Variants in BTK observed in about 807,000 individuals in gnomAD.
BTK encodes the protein tyrosine-protein kinase BTK.
BTK carries 5 observed loss-of-function variants against 57.4 expected under a neutral mutation model. That is an observed-to-expected ratio of 0.09 (90% confidence interval 0.05 to 0.18). The LOEUF is 0.18. Ranked by LOEUF, BTK falls within the 10% of genes least tolerant of loss-of-function variation. The pLI is 1.00. For missense variants in BTK, 194 were observed against 501.2 expected (o/e 0.39, Z 5.85); for synonymous variants, 154 against 174.3 (o/e 0.88, Z 0.92).
intron 13 of BTK, 78 bp from the exon 14 acceptor site, chrX:101,357,033 G>T: frequency 9.3e-7 from 1 of 1,078,101 alleles, no homozygotes; most frequent in Non-Finnish European, 1.3e-6. Flanking sequence ...CCCTACTGGG[G>T]TAGAAATAGG....
upstream of BTK, among the ~76,000 whole-genome samples, chrX:101,387,187 T>TA (rs1927637283): frequency 9.1e-6 from 1 of 110,352 alleles, no homozygotes; most frequent in African/African-American, 3.3e-5. Context: ...TTATTTTGTC[T>TA]AAAAAACAAA....
At chrX:101,386,802 T>C (rs1927623565), upstream of BTK, among the ~76,000 whole-genome samples, 1 of 112,262 alleles carries the variant, frequency 8.9e-6, no homozygotes, top group Non-Finnish European at 1.9e-5. Flanking sequence ...CCATTTTCTG[T>C]GGATGTTGAC....
At chrX:101,384,458 G>A (rs1011679686) in intron 1 of BTK, among the ~76,000 whole-genome samples, 19 of 111,621 alleles carry the variant, frequency 1.7e-4, no homozygotes, top group Non-Finnish European at 2.8e-4. Flanking sequence ...TTAGCTGGGC[G>A]TGGTGGCACA....
intron 5 of BTK, 66 bp downstream of exon 5, chrX:101,369,932 C>T (rs1926971736): frequency 9.0e-6 from 9 of 996,162 alleles, no homozygotes; most frequent in South Asian, 2.0e-5. Flanking sequence ...CTTTTCCTCC[C>T]GTCTATCTCC....
intron 9 of BTK, among the ~76,000 whole-genome samples, chrX:101,359,879 G>GTA (rs1280227607): frequency 1.8e-3 from 182 of 102,757 alleles, no homozygotes; most frequent in Non-Finnish European, 2.3e-3. Flanking sequence ...AGAAAAAAGT[G>GTA]TATATATATA....
chrX:101,386,973 A>T (rs1415226260), upstream of BTK, among the ~76,000 whole-genome samples: 3 of 110,899 alleles, frequency 2.7e-5, no homozygotes, highest in Non-Finnish European at 5.7e-5. Context: ...TCCCCCAGGG[A>T]TTCTCCTAGG....
At chrX:101,372,832 C>T (rs1306382172) in intron 3 of BTK, among the ~76,000 whole-genome samples, 1 of 106,947 alleles carries the variant, frequency 9.4e-6, no homozygotes, top group African/African-American at 3.4e-5. Flanking sequence ...GCCTGTAATC[C>T]CAGCACTTTG....
At position 101,354,929 on chromosome X, in the gene BTK, T is replaced by C. The variant is rs191178107; in HGVS notation, c.1567-235A>G. 1.5e-4 allele frequency among the ~76,000 whole-genome samples: 17 copies of C among 112,019 alleles called. No homozygotes were observed. In the South Asian group the frequency reaches 1.9e-3, roughly 12 times the overall value. On this transcript the variant is annotated intron_variant, in intron 15 of 18. Transcript: ENST00000308731. ...AAAGCACTGAGGACATACAGAACGA[T>C]TGCATTCTCATGGGCAATTCCACAC...
At chrX:101,350,460 T>C (rs1926247754) in intron 18 of BTK, among the ~76,000 whole-genome samples, 1 of 103,553 alleles carries the variant, frequency 9.7e-6, no homozygotes, top group Admixed American at 1.0e-4. Flanking sequence ...TTTTTTTTTT[T>C]TTTTCTTTTT....
At chrX:101,364,348 C>G (rs1446650643) in intron 5 of BTK, among the ~76,000 whole-genome samples, 1 of 104,913 alleles carries the variant, frequency 9.5e-6, no homozygotes, top group African/African-American at 3.5e-5. Flanking sequence ...GGTGGAGGTC[C>G]CAGTGAACTG....
chrX:101,384,660 A>C (rs782271929), intron 1 of BTK, among the ~76,000 whole-genome samples: 1 of 112,113 alleles, frequency 8.9e-6, no homozygotes, highest in East Asian at 2.8e-4. Flanking sequence ...ACGCAATGGA[A>C]ATTTGGACTT....
intron 3 of BTK, among the ~76,000 whole-genome samples, chrX:101,373,886 A>G (rs958761917): frequency 9.1e-6 from 1 of 109,861 alleles, no homozygotes; most frequent in Non-Finnish European, 1.9e-5. Context: ...TACTAAAAAA[A>G]TACGAAAAAT....
chrX:101,360,627 A>T lies in BTK; in HGVS notation c.717T>A (p.Asp239Glu), dbSNP rs782004234. The T allele has an allele frequency of 2.1e-5, 25 of 1,211,497 alleles. No homozygotes were observed. The highest frequency in any genetic ancestry group is 3.0e-5 in the East Asian group (1 of 33,832). ...NANDLQLRKG[D>E]EYFILEESNL... ...TGCTTTCCTCCAAGATAAAATATTCATCACCCTTCCGCAGCTGTAGATCAT... is the reference window on the plus strand; with the variant it reads ...TGCTTTCCTCCAAGATAAAATATTCTTCACCCTTCCGCAGCTGTAGATCAT... Residue 239 changes from aspartate to glutamate, a missense_variant, in exon 8 of 19, where the codon GAT (aspartate) becomes GAA (glutamate). Transcript: ENST00000308731.
intron 1 of BTK, 109 bp from the exon 2 acceptor site, chrX:101,375,423 C>T: frequency 1.3e-6 from 1 of 797,270 alleles, no homozygotes; most frequent in Non-Finnish European, 1.9e-6. Context: ...GTGCACAGCT[C>T]ACAAAATAAT....
intron 6 of BTK, 59 bp from the exon 7 acceptor site, chrX:101,362,299 A>C (rs1926698458): frequency 1.7e-6 from 2 of 1,152,111 alleles, no homozygotes; most frequent in African/African-American, 3.6e-5. Flanking sequence ...GGCCAAGGAC[A>C]GGTTTGGTCA....
intron 9 of BTK, among the ~76,000 whole-genome samples, 199 bp from the exon 10 acceptor site, chrX:101,359,546 A>G (rs1404636310): frequency 8.9e-6 from 1 of 111,937 alleles, no homozygotes; most frequent in Non-Finnish European, 1.9e-5. Context: ...AATGGAGAGT[A>G]GCAGGCAAAG....
intron 18 of BTK, chrX:101,352,967 G>A (rs978682647): frequency 2.6e-6 from 1 of 384,911 alleles, no homozygotes; most frequent in Non-Finnish European, 4.5e-6. Flanking sequence ...TTGGGAGGCT[G>A]AGACATGAGA....
chrX:101,383,070 A>G (rs367604294), intron 1 of BTK, among the ~76,000 whole-genome samples: 1 of 112,029 alleles, frequency 8.9e-6, no homozygotes, highest in African/African-American at 3.2e-5. Context: ...GGGATATAAA[A>G]AAGAAAAAAT....
At chrX:101,360,829 G>T (rs2147433398) in intron 7 of BTK, 74 bp from the exon 8 acceptor site, 1 of 1,047,535 alleles carries the variant, frequency 9.5e-7, no homozygotes, top group Non-Finnish European at 1.3e-6. Context: ...CCAACTCTCT[G>T]GCTTACTCAA....
Sources: allele counts gnomAD v4.1 joint callset (sites outside exome capture counted in the v4.1 genomes callset), GRCh38; gene constraint gnomAD v4.1.1; transcripts MANE v1.5; gene names NCBI Gene and HGNC (gene_info 2026-07-23, HGNC 2026-07-21).